Variants in CFTR observed in about 807,000 individuals in gnomAD.
The protein encoded by CFTR is cystic fibrosis transmembrane conductance regulator.
CFTR carries 181 observed loss-of-function variants against 171.6 expected under a neutral mutation model. That is an observed-to-expected ratio of 1.05 (90% CI 0.93 to 1.19). The LOEUF is 1.19. Among genes scored for constraint, CFTR ranks in the 50% most tolerant of loss-of-function variants. The pLI is 0.00. For synonymous variants in CFTR, 583 were observed against 608.0 expected (o/e 0.96, Z 0.60); for missense variants, 1,968 against 1,734.7 (o/e 1.13, Z -2.39).
At chr7:117,627,179 T>C (rs1003893417) in intron 21 of CFTR, among the ~76,000 whole-genome samples, 1 of 152,124 alleles carries the variant, frequency 6.6e-6, no homozygotes, top group Non-Finnish European at 1.5e-5. Context: ...TTTATTATAA[T>C]ATACCGGTTA....
rs543981757 is a variant in CFTR, at chr7:117,639,886, A to G, written c.3718-2552A>G. On this transcript the variant is annotated intron_variant, in intron 22 of 26. Coordinates refer to ENST00000003084, the MANE Select transcript of CFTR (RefSeq NM_000492.4). ...GGATCTAAATTTCAGTTGACTTGTCATCTTGATTTCTGGAGACCACAAGGT... is the reference window on the plus strand; with the variant it reads ...GGATCTAAATTTCAGTTGACTTGTCGTCTTGATTTCTGGAGACCACAAGGT... 3.0e-4 allele frequency among the ~76,000 whole-genome samples: 46 copies of G among 152,290 alleles called. No homozygotes were observed. In the South Asian group the frequency reaches 8.7e-3, roughly 29 times the overall value.
chr7:117,595,696 AAC>A, intron 15 of CFTR, among the ~76,000 whole-genome samples: 1 of 152,066 alleles, frequency 6.6e-6, no homozygotes, highest in African/African-American at 2.4e-5. Flanking sequence ...CAGCCTGGGC[AAC>A]ACAGTGAGAC....
intron 14 of CFTR, among the ~76,000 whole-genome samples, chr7:117,593,803 C>G (rs1792076612): frequency 6.6e-6 from 1 of 152,092 alleles, no homozygotes; most frequent in South Asian, 2.1e-4. Flanking sequence ...ATCATGTTGA[C>G]CAGGCTGGTC....
At chr7:117,577,431 C>G (rs1292644122) in intron 11 of CFTR, among the ~76,000 whole-genome samples, 1 of 152,098 alleles carries the variant, frequency 6.6e-6, no homozygotes, top group Non-Finnish European at 1.5e-5. Context: ...ATCACACAGT[C>G]TACTGTTTTA....
At chr7:117,495,014 G>A (rs1014351611) in intron 1 of CFTR, among the ~76,000 whole-genome samples, 7 of 151,964 alleles carry the variant, frequency 4.6e-5, no homozygotes, top group African/African-American at 1.7e-4. Flanking sequence ...GTAACCCAGT[G>A]GCATTTCTAC....
chr7:117,504,379 T>C lies in CFTR; in HGVS notation c.164+16T>C. The C allele has an allele frequency of 8.4e-7, 1 of 1,190,942 alleles. No homozygotes were observed. 73.8% of individuals were successfully genotyped at this position (1,190,942 alleles called of 1,614,324 possible). ...AATTGGAAAGGTATGTTCATGTACA[T>C]TGTTTAGTTGAAGAGAGAAATTCAT... is the stretch of plus-strand genomic sequence containing the variant. On this transcript the variant is annotated intron_variant, in intron 2 of 26. Coordinates refer to ENST00000003084, the MANE Select transcript of CFTR (RefSeq NM_000492.4).
At chr7:117,580,429 A>C (rs1791832986) in intron 11 of CFTR, among the ~76,000 whole-genome samples, 1 of 152,096 alleles carries the variant, frequency 6.6e-6, no homozygotes, top group Non-Finnish European at 1.5e-5. Context: ...TTGCTAATAT[A>C]AATATAATTC....
In CFTR at chr7:117,617,774, C is replaced by T. The variant is rs545414451; in HGVS notation, c.3468+3061C>T. ...TCTCATTAGCATAAAAATACTTTCCCTTGATCTCCAGCTACTACCCCATTT... is the reference window on the plus strand; with the variant it reads ...TCTCATTAGCATAAAAATACTTTCCTTTGATCTCCAGCTACTACCCCATTT... On this transcript the variant is annotated intron_variant, in intron 21 of 26. Coordinates refer to ENST00000003084, the MANE Select transcript of CFTR (RefSeq NM_000492.4). 3.3e-5 allele frequency among the ~76,000 whole-genome samples: 5 copies of T among 152,192 alleles called. No individual in the cohort carries two copies. In the East Asian group the frequency reaches 9.7e-4, roughly 29 times the overall value.
chr7:117,517,467 T>C (rs1198877700), intron 3 of CFTR, among the ~76,000 whole-genome samples: 1 of 152,198 alleles, frequency 6.6e-6, no homozygotes, highest in Non-Finnish European at 1.5e-5. Flanking sequence ...TGGTGGACAT[T>C]TGGGTTGGTT....
chr7:117,499,307 T>G (rs1798284561), intron 1 of CFTR, among the ~76,000 whole-genome samples: 1 of 152,062 alleles, frequency 6.6e-6, no homozygotes. Context: ...GGATATGTTA[T>G]GAAAATCAAA....
intron 6 of CFTR, 114 bp downstream of exon 6, chr7:117,535,525 A>T (rs745343799): frequency 3.1e-4 from 153 of 500,018 alleles, no homozygotes; most frequent in East Asian, 5.8e-4. Flanking sequence ...GTGTCATTAA[A>T]TTTTTTTTTT....
At chr7:117,589,824 G>A (rs929319044) in intron 12 of CFTR, among the ~76,000 whole-genome samples, 4 of 151,962 alleles carry the variant, frequency 2.6e-5, no homozygotes, top group African/African-American at 4.8e-5. Flanking sequence ...TTTCACATAA[G>A]TAATGTAATT....
intron 22 of CFTR, among the ~76,000 whole-genome samples, chr7:117,632,126 G>A (rs1792756223): frequency 6.6e-6 from 1 of 152,134 alleles, no homozygotes; most frequent in Non-Finnish European, 1.5e-5. Context: ...CCTGTACCAC[G>A]TAAGAACTTA....
intron 25 of CFTR, 96 bp from the exon 26 acceptor site, chr7:117,665,363 T>A (rs1793356238): frequency 2.6e-6 from 2 of 764,302 alleles, no homozygotes; most frequent in Admixed American, 4.8e-5. Context: ...AAATAAGTAA[T>A]TTAAAGAGAT....
In CFTR at chr7:117,590,432, T is replaced by C; in HGVS notation, c.1759T>C (p.Phe587Leu). 1 of 1,601,546 alleles carries C rather than the reference T, an allele frequency of 6.2e-7. No individual in the cohort carries two copies. Among genetic ancestry groups the C allele is most frequent in the Non-Finnish European group, 8.5e-7 (1 of 1,171,222 alleles). Residue 587 changes from phenylalanine to leucine, a missense_variant, in exon 13 of 27, where the codon TTT becomes CTT. Transcript: ENST00000003084. ...AGATGTTTTAACAGAAAAAGAAATA[T>C]TTGAAAGGTATGTTCTTTGAATACC... ...YLDVLTEKEI[F>L]ESCVCKLMAN... is the part of the protein sequence containing the mutation.
At chr7:117,510,747 A>AT (rs1218544406) in intron 3 of CFTR, among the ~76,000 whole-genome samples, 3 of 151,986 alleles carry the variant, frequency 2.0e-5, no homozygotes, top group Non-Finnish European at 4.4e-5. Context: ...TATCTATAGA[A>AT]TTTTTTTTGG....
intron 11 of CFTR, among the ~76,000 whole-genome samples, chr7:117,566,634 C>G (rs1791607095): frequency 6.7e-6 from 1 of 149,908 alleles, no homozygotes; most frequent in Non-Finnish European, 1.5e-5. Context: ...CAGAACCAAA[C>G]AGGAATGCCA....
intron 11 of CFTR, among the ~76,000 whole-genome samples, chr7:117,569,160 A>G (rs1386661385): frequency 1.3e-5 from 2 of 152,164 alleles, no homozygotes; most frequent in Non-Finnish European, 2.9e-5. Context: ...TGGTGAGTGT[A>G]GTATAAGAAG....
rs1212639681 is a variant in CFTR at position 117,504,283 on chromosome 7, C to T, written c.84C>T (p.Tyr28=). The T allele has an allele frequency of 1.2e-6, 2 of 1,611,564 alleles. No homozygotes were observed. Among genetic ancestry groups the T allele is most frequent in the South Asian group, 2.2e-5 (2 of 91,010 alleles). The change falls in exon 2 of 27, where the codon TAC becomes TAT. Residue 28 remains tyrosine (Y), a synonymous_variant. Transcript: ENST00000003084. ...CCAGACCAATTTTGAGGAAAGGATACAGACAGCGCCTGGAATTGTCAGACA... is the reference window on the plus strand; with the variant it reads ...CCAGACCAATTTTGAGGAAAGGATATAGACAGCGCCTGGAATTGTCAGACA... The part of the protein sequence containing the change: ...SWTRPILRKG[Y]RQRLELSDIY...
Sources: allele counts gnomAD v4.1 joint callset (sites outside exome capture counted in the v4.1 genomes callset), GRCh38; gene constraint gnomAD v4.1.1; transcripts MANE v1.5; gene names NCBI Gene and HGNC (gene_info 2026-07-23, HGNC 2026-07-21).